Variants in IMMP2L observed in about 807,000 individuals in gnomAD.
The protein encoded by IMMP2L is inner mitochondrial membrane peptidase subunit 2, also known as mitochondrial inner membrane protease subunit 2.
IMMP2L carries 18 observed loss-of-function variants against 19.3 expected under a neutral mutation model. That is an observed-to-expected ratio of 0.93 (90% CI 0.64 to 1.38). The LOEUF (loss-of-function observed/expected upper bound fraction) is 1.38. Ranked by LOEUF, IMMP2L falls within the 40% of genes most tolerant of loss-of-function variation. The pLI is 0.00. For missense variants in IMMP2L, 233 were observed against 218.2 expected, an observed-to-expected ratio of 1.07 and a Z score of -0.43; for synonymous variants, 76 against 73.0, an observed-to-expected ratio of 1.04 and a Z score of -0.21.
At chr7:110,846,008 G>A (rs1805619959) in intron 5 of IMMP2L, among the ~76,000 whole-genome samples, 1 of 152,128 alleles carries the variant, frequency 6.6e-6, no homozygotes, top group Non-Finnish European at 1.5e-5. Context: ...CTGTGGAGAA[G>A]TAAGTTTCTG....
At chr7:110,866,098 T>C (rs893072945) in intron 5 of IMMP2L, among the ~76,000 whole-genome samples, 2 of 152,018 alleles carry the variant, frequency 1.3e-5, no homozygotes, top group Non-Finnish European at 2.9e-5. Flanking sequence ...ACATTTTTTT[T>C]CCCATAGCAA....
intron 3 of IMMP2L, chr7:111,392,986 T>C (rs1832518409): frequency 2.6e-6 from 1 of 377,424 alleles, no homozygotes; most frequent in East Asian, 7.2e-5. Context: ...TAGGGGTTTT[T>C]GTGGAGGCTG....
At chr7:111,405,820 C>T (rs1394144554) in intron 3 of IMMP2L, among the ~76,000 whole-genome samples, 1 of 152,056 alleles carries the variant, frequency 6.6e-6, no homozygotes, top group Non-Finnish European at 1.5e-5. Context: ...TGTAGCTTAC[C>T]ACCTATTAAT....
At chr7:111,110,091 C>T (rs1392758347) in intron 3 of IMMP2L, among the ~76,000 whole-genome samples, 2 of 152,122 alleles carry the variant, frequency 1.3e-5, no homozygotes, top group African/African-American at 2.4e-5. Flanking sequence ...GCTGAGATCA[C>T]GCCACTGCAC....
chr7:111,426,114 T>C (rs1178729138), intron 3 of IMMP2L, among the ~76,000 whole-genome samples: 1 of 151,138 alleles, frequency 6.6e-6, no homozygotes, highest in Non-Finnish European at 1.5e-5. Flanking sequence ...TCCCAGGGTA[T>C]GGACTATCAT....
chr7:110,710,965 C>T (rs1794873701), intron 5 of IMMP2L, among the ~76,000 whole-genome samples: 1 of 20,290 alleles, frequency 4.9e-5, no homozygotes, highest in Non-Finnish European at 9.0e-5. Flanking sequence ...CTTTATCCAA[C>T]TTGCCAGTCT....
intron 3 of IMMP2L, among the ~76,000 whole-genome samples, chr7:111,255,757 A>G (rs1816627805): frequency 6.6e-6 from 1 of 152,080 alleles, no homozygotes; most frequent in African/African-American, 2.4e-5. Context: ...CTCATGCTTT[A>G]GTTAACACAA....
intron 3 of IMMP2L, among the ~76,000 whole-genome samples, chr7:111,014,370 T>G (rs62464041): frequency 6.6e-6 from 1 of 151,786 alleles, no homozygotes; most frequent in Non-Finnish European, 1.5e-5. Flanking sequence ...AAAAAAAAAT[T>G]GTGTGTGTAT....
intron 5 of IMMP2L, among the ~76,000 whole-genome samples, chr7:110,856,300 T>A (rs912471290): frequency 1.9e-4 from 29 of 152,054 alleles, no homozygotes; most frequent in African/African-American, 7.0e-4. Context: ...TGTCAAACTT[T>A]AAAAAAAGTC....
intron 3 of IMMP2L, among the ~76,000 whole-genome samples, chr7:111,070,866 T>C (rs1794894728): frequency 1.3e-5 from 2 of 152,218 alleles, no homozygotes; most frequent in Non-Finnish European, 1.5e-5. Context: ...ATCTATTTGA[T>C]ATTTTCCTTG....
At chr7:111,485,551 T>C (rs928323563) in intron 3 of IMMP2L, among the ~76,000 whole-genome samples, 3 of 111,938 alleles carry the variant, frequency 2.7e-5, no homozygotes. Context: ...TGAGCCGAGA[T>C]CCCGCCACTG....
At chr7:110,764,913 T>A (rs1798566436) in intron 5 of IMMP2L, among the ~76,000 whole-genome samples, 1 of 152,128 alleles carries the variant, frequency 6.6e-6, no homozygotes, top group Admixed American at 6.6e-5. Context: ...AACTAGTTAA[T>A]GTCTTTGTGG....
At chr7:110,933,463 C>T (rs1815727591) in intron 4 of IMMP2L, among the ~76,000 whole-genome samples, 1 of 152,180 alleles carries the variant, frequency 6.6e-6, no homozygotes, top group South Asian at 2.1e-4. Flanking sequence ...ATCCTACTCA[C>T]ACAACAGAGA....
intron 3 of IMMP2L, among the ~76,000 whole-genome samples, chr7:111,190,986 C>A (rs529685827): frequency 2.0e-5 from 3 of 152,000 alleles, no homozygotes; most frequent in Non-Finnish European, 4.4e-5. Flanking sequence ...ATACTTCTTC[C>A]TTTTGCTTTG....
At chr7:111,282,338 C>G (rs1013450704) in intron 3 of IMMP2L, among the ~76,000 whole-genome samples, 1 of 152,120 alleles carries the variant, frequency 6.6e-6, no homozygotes, top group Non-Finnish European at 1.5e-5. Context: ...AATGGAAATT[C>G]GGTAAGAAAG....
In IMMP2L at chr7:111,252,317, A is replaced by G. The variant is rs190876457; in HGVS notation, c.239+234921T>C. Among the ~76,000 whole-genome samples, 2 of 152,286 alleles carry G rather than the reference A, an allele frequency of 1.3e-5. 1 individual carries two copies. The highest frequency in any genetic ancestry group is 3.9e-4 in the East Asian group (2 of 5,180). On this transcript the variant is annotated intron_variant, in intron 3 of 5. Coordinates refer to ENST00000405709, the MANE Select transcript of IMMP2L (RefSeq NM_032549.4). ...GCATGCACATGCAAGCACCCACACA[A>G]ATGTTTAAGTGTGTATTGGAGTAAT...
intron 3 of IMMP2L, among the ~76,000 whole-genome samples, chr7:111,435,991 A>C (rs1172106629): frequency 6.6e-6 from 1 of 151,724 alleles, no homozygotes; most frequent in Non-Finnish European, 1.5e-5. Flanking sequence ...CTTGGCACTC[A>C]TGGGATTTTC....
At position 110,902,961 on chromosome 7, in the gene IMMP2L, A is replaced by G. The variant is rs917120666; in HGVS notation, c.306-16266T>C. 2.0e-5 allele frequency among the ~76,000 whole-genome samples: 3 copies of G among 150,654 alleles called. 1 individual carries two copies. Among genetic ancestry groups the G allele is most frequent in the Non-Finnish European group, 4.4e-5 (3 of 67,716 alleles). Reference sequence around the variant, plus strand: ...AAAAAAAAAAAAAAAAAAAAAGAGTACAGACTCTATTTTGTAGGCAATGGG... The same window carrying G: ...AAAAAAAAAAAAAAAAAAAAAGAGTGCAGACTCTATTTTGTAGGCAATGGG... On this transcript the variant is annotated intron_variant, in intron 4 of 5. Coordinates refer to ENST00000405709, the MANE Select transcript of IMMP2L (RefSeq NM_032549.4).
chr7:111,469,828 T>C (rs1477995139), intron 3 of IMMP2L, among the ~76,000 whole-genome samples: 1 of 151,994 alleles, frequency 6.6e-6, no homozygotes, highest in African/African-American at 2.4e-5. Context: ...GGACTTCATG[T>C]CTAAAACACC....
Sources: allele counts gnomAD v4.1 joint callset (sites outside exome capture counted in the v4.1 genomes callset), GRCh38; gene constraint gnomAD v4.1.1; transcripts MANE v1.5; gene names NCBI Gene and HGNC (gene_info 2026-07-23, HGNC 2026-07-21).